The following SRSF2 variants were observed in gnomAD, a reference collection of about 807,000 sequenced individuals.
SRSF2 encodes serine and arginine rich splicing factor 2.
In SRSF2, 4 loss-of-function variants were observed where a neutral mutation model predicts 15.7. The observed-to-expected ratio is 0.26, with a 90% CI of 0.13 to 0.58. The LOEUF is 0.58. Ranked by LOEUF, SRSF2 falls within the 20% of genes least tolerant of loss-of-function variation. SRSF2 has a pLI of 0.90. For missense variants in SRSF2, 147 were observed against 332.4 expected, an observed-to-expected ratio of 0.44 and a Z score of 4.34; for synonymous variants, 192 against 138.9, an observed-to-expected ratio of 1.38 and a Z score of -2.69.
intron 1 of SRSF2, 155 bp from the exon 2 acceptor site, chr17:76,736,619 G>T: frequency 8.7e-7 from 1 of 1,148,820 alleles, no homozygotes. Context: ...CCCACACCCC[G>T]GCCACTCCCG....
intron 2 of SRSF2, chr17:76,735,433 AAAC>A (rs1448687497): frequency 4.4e-6 from 1 of 226,370 alleles, no homozygotes; most frequent in African/African-American, 2.2e-5. Flanking sequence ...ATCCAAACAA[AAAC>A]AACTCGAGAT....
In SRSF2 at chr17:76,736,809, G is replaced by A. The variant is rs1276177734; in HGVS notation, c.352C>T (p.Arg118Trp). Reference protein sequence around the residue: ...RRYGGGGYGRRSRSPRRRRRS... With the variant: ...RRYGGGGYGRWSRSPRRRRRS... ...CTCAGCCCCGTTTACCTGCGGCTCCGGCGTCCGTAGCCACCGCCCCCGTAC... is the reference window on the plus strand; with the variant it reads ...CTCAGCCCCGTTTACCTGCGGCTCCAGCGTCCGTAGCCACCGCCCCCGTAC... The change falls in exon 1 of 3, where the codon CGG (arginine) becomes TGG (tryptophan). Residue 118 changes from arginine (R) to tryptophan (W), a missense_variant. Coordinates refer to ENST00000359995, the MANE Select transcript of SRSF2 (RefSeq NM_001195427.2). 7 of 1,576,388 alleles carry A rather than the reference G, an allele frequency of 4.4e-6. No homozygotes were observed. Among genetic ancestry groups the A allele is most frequent in the Non-Finnish European group, 5.2e-6 (6 of 1,163,916 alleles).
intron 1 of SRSF2, 47 bp from the exon 2 acceptor site, chr17:76,736,511 G>A (rs1204263375): frequency 1.6e-5 from 26 of 1,578,518 alleles, no homozygotes; most frequent in South Asian, 2.2e-5. Context: ...CCAGGCAGCG[G>A]GGCCGGCCCC....
upstream of SRSF2, chr17:76,737,364 T>A (rs975491391): frequency 2.2e-5 from 13 of 599,434 alleles, no homozygotes; most frequent in Non-Finnish European, 3.0e-5. Context: ...CCCGTTTATA[T>A]CGCTCCTCAC....
rs369705230 is a variant in SRSF2 at position 76,736,347 on chromosome 17, G to A, written c.480C>T (p.Thr160=). 6.8e-6 allele frequency: 11 copies of A among 1,614,016 alleles called. No homozygotes were observed. In the African/African-American group the frequency reaches 1.1e-4, roughly 16 times the overall value. ...ACCTTCGTGCGGATCTGGACTTGGAGGTCGACCGAGATCGAGAACGAGTGC... is the reference window on the plus strand; with the variant it reads ...ACCTTCGTGCGGATCTGGACTTGGAAGTCGACCGAGATCGAGAACGAGTGC... ...RSRTRSRSRS[T]SKSRSARRSK... is the part of the protein sequence containing the mutation. The change falls in exon 2 of 3, where the codon ACC becomes ACT. Residue 160 remains threonine, a synonymous_variant. Transcript: ENST00000359995.
At chr17:76,736,699 CCGGGCCCGCACCACGTGCTTCGCCG>C (rs1227450704) in intron 1 of SRSF2, 75 bp downstream of exon 1, 16 of 1,312,738 alleles carry the variant, frequency 1.2e-5, no homozygotes, top group African/African-American at 1.6e-5. Context: ...CCCGCCCCGT[CCGGGCCCGCACCACGTGCTTCGCCG>C]CGGACCTTTG....
At position 76,737,329 on chromosome 17, in the gene SRSF2, A is replaced by G; in HGVS notation, c.-169T>C. ...CGCAGGCTAGCGCACCTGAGTAACAACTGGGCGGGCAGCCGGCCTCTGCGC... is the reference window on the plus strand; with the variant it reads ...CGCAGGCTAGCGCACCTGAGTAACAGCTGGGCGGGCAGCCGGCCTCTGCGC... On this transcript the variant is annotated 5_prime_UTR_variant, in exon 1 of 3. Coordinates refer to ENST00000359995, the MANE Select transcript of SRSF2 (RefSeq NM_001195427.2). The G allele has an allele frequency of 1.1e-6, 1 of 872,652 alleles. No individual in the cohort carries two copies. Among genetic ancestry groups the G allele is most frequent in the South Asian group, 2.1e-5 (1 of 46,998 alleles). The allele number at this position is 872,652 out of a possible 1,614,324, so 54.1% of individuals were successfully genotyped here.
At chr17:76,736,580 C>G (rs770680008) in intron 1 of SRSF2, 116 bp from the exon 2 acceptor site, 89 of 1,287,888 alleles carry the variant, frequency 6.9e-5, no homozygotes, top group South Asian at 2.0e-4. Context: ...TTTCCCCAGT[C>G]GCGAGGCGGG....
In SRSF2 at chr17:76,734,818, A is replaced by T. The variant is rs1178677510; in HGVS notation, c.*348T>A. On this transcript the variant is annotated 3_prime_UTR_variant, in exon 3 of 3. Transcript: ENST00000359995. ...GTAATGGCTGCACACGTTTTCCTTA[A>T]AAGTCAGGAGGCCACAAATTAGGTT... 4.2e-6 allele frequency: 1 copy of T among 239,462 alleles called. No individual in the cohort carries two copies. The highest frequency in any genetic ancestry group is 2.2e-5 in the African/African-American group (1 of 44,694). 14.8% of individuals were successfully genotyped at this position (239,462 alleles called of 1,614,324 possible). A position where few individuals can be genotyped will look rare whatever the true frequency, so the allele number is the denominator to read the frequency against.
Position 76,734,626 on chromosome 17 carries a change from AAATC to A in SRSF2, c.*536_*539del. The A allele has an allele frequency of 4.4e-6, 1 of 229,720 alleles. No homozygotes were observed. The highest frequency in any genetic ancestry group is 2.2e-5 in the African/African-American group (1 of 45,150). 14.2% of individuals were successfully genotyped at this position (229,720 alleles called of 1,614,324 possible). On this transcript the variant is annotated 3_prime_UTR_variant, in exon 3 of 3. Coordinates refer to ENST00000359995, the MANE Select transcript of SRSF2 (RefSeq NM_001195427.2). ...GTGTTTGATAAACAATCCTTTCAAAAAATCAAGTCTTTTCACCTGAAAAGTCTTT... is the reference window on the plus strand; with the variant it reads ...GTGTTTGATAAACAATCCTTTCAAAAAAGTCTTTTCACCTGAAAAGTCTTT...
Position 76,735,011 on chromosome 17 carries a change from T to C in SRSF2, c.*155A>G, listed in dbSNP as rs1363338335. On this transcript the variant is annotated 3_prime_UTR_variant, in exon 3 of 3. Coordinates refer to ENST00000359995, the MANE Select transcript of SRSF2 (RefSeq NM_001195427.2). Reference sequence around the variant, plus strand: ...GGCACATAAAATGAAGTTTGCCAACTGAGGCAAAGCTTAAACAAGTAAAAA... The same window carrying C: ...GGCACATAAAATGAAGTTTGCCAACCGAGGCAAAGCTTAAACAAGTAAAAA... 3 of 222,392 alleles carry C rather than the reference T, an allele frequency of 1.3e-5. No homozygotes were observed. Among genetic ancestry groups the C allele is most frequent in the Non-Finnish European group, 2.7e-5 (3 of 110,772 alleles). 13.8% of individuals were successfully genotyped at this position (222,392 alleles called of 1,614,324 possible).
Position 76,736,536 on chromosome 17 carries a change from G to C in SRSF2, c.363-72C>G, listed in dbSNP as rs775978250. On this transcript the variant is annotated intron_variant, in intron 1 of 2. Transcript: ENST00000359995. ...GGGCCGGCCCCGCCCGCGCGCTCCC[G>C]CCCAGGCCGCCATTATCTCGCCGCC... The C allele has an allele frequency of 2.7e-6, 4 of 1,490,724 alleles. No individual in the cohort carries two copies. In the South Asian group the frequency reaches 4.9e-5, roughly 18 times the overall value. 92.3% of individuals were successfully genotyped at this position (1,490,724 alleles called of 1,614,324 possible). A position where few individuals can be genotyped will look rare whatever the true frequency, so the allele number is the denominator to read the frequency against.
upstream of SRSF2, chr17:76,737,391 C>A: frequency 2.0e-6 from 1 of 510,748 alleles, no homozygotes; most frequent in South Asian, 3.7e-5. Context: ...GCGCCCGCGC[C>A]ACCCGGAAAT....
At chr17:76,736,671 C>T (rs988248974) in intron 1 of SRSF2, 128 bp downstream of exon 1, 1 of 1,227,034 alleles carries the variant, frequency 8.1e-7, no homozygotes, top group Non-Finnish European at 1.0e-6. Context: ...CGGAGGGTCG[C>T]GAGACGCGGC....
chr17:76,736,782 C>A lies in SRSF2; in HGVS notation c.362+17G>T. ...GCGCCCCGCCCCGCCTCCCGCGGTC[C>A]CCTCAGCCCCGTTTACCTGCGGCTC... On this transcript the variant is annotated intron_variant, in intron 1 of 2. Coordinates refer to ENST00000359995, the MANE Select transcript of SRSF2 (RefSeq NM_001195427.2). The A allele has an allele frequency of 7.0e-7, 1 of 1,428,084 alleles. No individual in the cohort carries two copies. The allele number at this position is 1,428,084 out of a possible 1,614,324, so 88.5% of individuals were successfully genotyped here. A position where few individuals can be genotyped will look rare whatever the true frequency, so the allele number is the denominator to read the frequency against.
Position 76,736,371 on chromosome 17 carries a change from G to A in SRSF2, c.456C>T (p.Arg152=). ...SRYSRSKSRS[R]TRSRSRSTSK... ...AGGTCGACCGAGATCGAGAACGAGT[G>A]CGGGACCGAGACTTCGAGCGGCTGT... Residue 152 remains arginine (R), a synonymous_variant, in exon 2 of 3, where the codon CGC becomes CGT. Coordinates refer to ENST00000359995, the MANE Select transcript of SRSF2 (RefSeq NM_001195427.2). The A allele has an allele frequency of 1.2e-6, 2 of 1,614,156 alleles. No individual in the cohort carries two copies. Among genetic ancestry groups the A allele is most frequent in the East Asian group, 2.2e-5 (1 of 44,876 alleles).
intron 2 of SRSF2, 125 bp downstream of exon 2, chr17:76,736,029 G>A (rs1198280449): frequency 4.1e-6 from 4 of 970,540 alleles, no homozygotes; most frequent in East Asian, 2.4e-5. Flanking sequence ...ACTCCCAAAG[G>A]TGAGTAACCT....
At chr17:76,735,944 C>G (rs1278920762) in intron 2 of SRSF2, 1 of 625,906 alleles carries the variant, frequency 1.6e-6, no homozygotes, top group Non-Finnish European at 2.8e-6. Flanking sequence ...TAATAGGTCT[C>G]AAACAGTTTA....
chr17:76,736,742 G>A, intron 1 of SRSF2, 57 bp downstream of exon 1: 1 of 1,389,568 alleles, frequency 7.2e-7, no homozygotes, highest in Non-Finnish European at 9.3e-7. Flanking sequence ...TTGTGAGGTC[G>A]CCCGGGCCTC....
Sources: gnomAD v4.1 joint callset for allele counts on GRCh38, gnomAD v4.1.1 for gene constraint, MANE v1.5 for transcripts, NCBI Gene and HGNC (gene_info 2026-07-23, HGNC 2026-07-21) for gene names.